MAP2K4: variants seen among roughly 807,000 people sequenced by gnomAD.
MAP2K4 encodes dual specificity mitogen-activated protein kinase kinase 4.
In MAP2K4, 4 loss-of-function variants were observed where a neutral mutation model predicts 48.5. The observed-to-expected ratio is 0.08, with a 90% CI of 0.04 to 0.19. The LOEUF is 0.19. Ranked by LOEUF, MAP2K4 falls within the 10% of genes least tolerant of loss-of-function variation. MAP2K4 has a pLI of 1.00. For synonymous variants in MAP2K4, 166 were observed against 173.1 expected, an observed-to-expected ratio of 0.96 and a Z score of 0.32; for missense variants, 258 against 493.3, an observed-to-expected ratio of 0.52 and a Z score of 4.52.
intron 2 of MAP2K4, among the ~76,000 whole-genome samples, chr17:12,068,046 G>A (rs1218546200): frequency 1.8e-4 from 28 of 152,166 alleles, no homozygotes; most frequent in Admixed American, 1.8e-3. Context: ...GGATTGATGA[G>A]TGTTCCAAGT....
chr17:12,054,802 G>A, intron 1 of MAP2K4, 87 bp from the exon 2 acceptor site: 1 of 733,844 alleles, frequency 1.4e-6, no homozygotes, highest in South Asian at 1.8e-5. Flanking sequence ...AAGTTCTCTT[G>A]CCTTTTGGTG....
At chr17:12,115,626 C>T (rs1972465826) in intron 7 of MAP2K4, 1 of 743,778 alleles carries the variant, frequency 1.3e-6, no homozygotes, top group Admixed American at 1.8e-5. Flanking sequence ...CTATAGAAAG[C>T]ACAATTGGTG....
chr17:12,069,392 C>T (rs1323311650), intron 2 of MAP2K4, among the ~76,000 whole-genome samples: 1 of 152,098 alleles, frequency 6.6e-6, no homozygotes, highest in Non-Finnish European at 1.5e-5. Flanking sequence ...GACACAGGAT[C>T]AGCTCTTAGG....
chr17:12,142,970 TCAAA>T lies in MAP2K4; in HGVS notation c.*1714_*1717del, dbSNP rs1456244991. On this transcript the variant is annotated 3_prime_UTR_variant, in exon 11 of 11. Coordinates refer to ENST00000353533, the MANE Select transcript of MAP2K4 (RefSeq NM_003010.4). ...CTCAGAGTGACAGTCATAAATACTGTCAAACAATAAAGGGAGAATGGTGCTGTTT... is the reference window on the plus strand; with the variant it reads ...CTCAGAGTGACAGTCATAAATACTGTCAATAAAGGGAGAATGGTGCTGTTT... 3 of 232,756 alleles carry T rather than the reference TCAAA, an allele frequency of 1.3e-5. No homozygotes were observed. Among genetic ancestry groups the T allele is most frequent in the Non-Finnish European group, 1.7e-5 (2 of 117,776 alleles). 14.4% of individuals were successfully genotyped at this position (232,756 alleles called of 1,614,324 possible).
Position 12,041,854 on chromosome 17 carries a change from G to A in MAP2K4, c.116-13035G>A, listed in dbSNP as rs370868142. Among the ~76,000 whole-genome samples, 6 of 152,264 alleles carry A rather than the reference G, an allele frequency of 3.9e-5. No individual in the cohort carries two copies. In the East Asian group the frequency reaches 1.2e-3, roughly 29 times the overall value. On this transcript the variant is annotated intron_variant, in intron 1 of 10. Coordinates refer to ENST00000353533, the MANE Select transcript of MAP2K4 (RefSeq NM_003010.4). The stretch of plus-strand genomic sequence containing the variant: ...AAGAACTGAGTTGTCGGACTCATTA[G>A]AATGTTCTGTCTGATTTCCAATGGT...
chr17:12,040,429 A>T (rs1969741357), intron 1 of MAP2K4, among the ~76,000 whole-genome samples: 1 of 152,212 alleles, frequency 6.6e-6, no homozygotes, highest in African/African-American at 2.4e-5. Flanking sequence ...CTGTATTTTG[A>T]TAGAATAAAA....
intron 2 of MAP2K4, among the ~76,000 whole-genome samples, chr17:12,070,663 G>A (rs1346743216): frequency 6.6e-6 from 1 of 152,184 alleles, no homozygotes. Flanking sequence ...CATGTAGTCA[G>A]CAAACTACAG....
chr17:12,070,862 C>T (rs1970779390), intron 2 of MAP2K4, among the ~76,000 whole-genome samples: 1 of 152,202 alleles, frequency 6.6e-6, no homozygotes. Flanking sequence ...TTTTTCAAGG[C>T]TTCTGTGAGA....
At chr17:12,060,891 A>G (rs1400995964) in intron 2 of MAP2K4, among the ~76,000 whole-genome samples, 1 of 152,110 alleles carries the variant, frequency 6.6e-6, no homozygotes, top group Non-Finnish European at 1.5e-5. Context: ...ACATTGTTGT[A>G]CATTTGTCAC....
intron 2 of MAP2K4, among the ~76,000 whole-genome samples, chr17:12,055,645 A>G (rs1028029398): frequency 6.6e-6 from 1 of 152,038 alleles, no homozygotes; most frequent in Non-Finnish European, 1.5e-5. Flanking sequence ...TAATTTCTCA[A>G]CAATTTGCAT....
intron 9 of MAP2K4, among the ~76,000 whole-genome samples, chr17:12,133,170 C>T (rs1315827232): frequency 6.6e-6 from 1 of 152,102 alleles, no homozygotes; most frequent in African/African-American, 2.4e-5. Flanking sequence ...CAACCTCTGC[C>T]TCACAGGTTC....
chr17:12,141,220 A>G lies in MAP2K4; in HGVS notation c.1160A>G (p.Gln387Arg). 6.2e-7 allele frequency: 1 copy of G among 1,613,900 alleles called. No homozygotes were observed. Among genetic ancestry groups the G allele is most frequent in the Non-Finnish European group, 8.5e-7 (1 of 1,179,782 alleles). The change falls in exon 11 of 11, where the codon CAA becomes CGA. Residue 387 changes from glutamine to arginine, a missense_variant. By Grantham distance (43) the Gln-to-Arg change is conservative. Coordinates refer to ENST00000353533, the MANE Select transcript of MAP2K4 (RefSeq NM_003010.4). ...VACYVCKILD[Q>R]MPATPSSPMY... ...TGCTATGTTTGTAAAATCCTGGATCAAATGCCAGCTACTCCCAGCTCTCCC... is the reference window on the plus strand; with the variant it reads ...TGCTATGTTTGTAAAATCCTGGATCGAATGCCAGCTACTCCCAGCTCTCCC...
rs1005246757 is a variant in MAP2K4 at position 12,095,829 on chromosome 17, G to A, written c.513+135G>A. The A allele has an allele frequency of 2.6e-6, 3 of 1,135,782 alleles. No individual in the cohort carries two copies. In the African/African-American group the frequency reaches 4.7e-5, roughly 18 times the overall value. The allele number at this position is 1,135,782 out of a possible 1,614,324, so 70.4% of individuals were successfully genotyped here. On this transcript the variant is annotated intron_variant, in intron 4 of 10. Coordinates refer to ENST00000353533, the MANE Select transcript of MAP2K4 (RefSeq NM_003010.4). ...TCTCAGTATCTTAGTGTTTAACCAT[G>A]GTAATTTACATATTAACTTCTGACT...
At chr17:12,021,734 GAAAA>G (rs896882494) in intron 1 of MAP2K4, among the ~76,000 whole-genome samples, 3 of 99,984 alleles carry the variant, frequency 3.0e-5, no homozygotes, top group Admixed American at 1.1e-4. Flanking sequence ...CGTGCAGGAA[GAAAA>G]AAAAAAAAAA....
At chr17:12,034,163 C>G (rs1309431475) in intron 1 of MAP2K4, among the ~76,000 whole-genome samples, 1 of 152,140 alleles carries the variant, frequency 6.6e-6, no homozygotes, top group African/African-American at 2.4e-5. Flanking sequence ...AGATATAAAA[C>G]AAGAGAAACA....
chr17:12,092,314 T>C (rs1256162748), intron 3 of MAP2K4, among the ~76,000 whole-genome samples: 2 of 152,180 alleles, frequency 1.3e-5, no homozygotes, highest in Non-Finnish European at 2.9e-5. Context: ...GGCGTCACCT[T>C]GTTACTTCCA....
At chr17:12,140,774 A>ACTGG (rs1376020231) in intron 10 of MAP2K4, among the ~76,000 whole-genome samples, 7 of 152,176 alleles carry the variant, frequency 4.6e-5, no homozygotes, top group African/African-American at 1.7e-4. Context: ...AGGAATAGTG[A>ACTGG]CTGGCATTTG....
chr17:12,096,361 G>C (rs1323319395), intron 4 of MAP2K4, among the ~76,000 whole-genome samples: 2 of 151,986 alleles, frequency 1.3e-5, no homozygotes, highest in Non-Finnish European at 1.5e-5. Context: ...TCTGCCTCCA[G>C]CTCTCAATCC....
At chr17:12,045,241 T>C (rs1417371626) in intron 1 of MAP2K4, among the ~76,000 whole-genome samples, 9 of 152,200 alleles carry the variant, frequency 5.9e-5, no homozygotes, top group Admixed American at 4.6e-4. Context: ...TGAAAAAATA[T>C]TGATGTTATA....
Sources: gnomAD v4.1 joint callset for allele counts (sites outside exome capture counted in the v4.1 genomes callset) on GRCh38, gnomAD v4.1.1 for gene constraint, MANE v1.5 for transcripts, NCBI Gene and HGNC (gene_info 2026-07-23, HGNC 2026-07-21) for gene names.